MYO10: variants seen among roughly 807,000 people sequenced by gnomAD.
The protein encoded by MYO10 is myosin X, also known as unconventional myosin-X.
In MYO10, 133 loss-of-function variants were observed where a neutral mutation model predicts 257.3. That is an observed-to-expected ratio of 0.52 (90% CI 0.45 to 0.60). MYO10 has a LOEUF of 0.60. MYO10 is among the 20% of genes least tolerant of loss of function. MYO10 has a pLI of 0.00. For synonymous variants in MYO10, 1,104 were observed against 1,028.6 expected, an observed-to-expected ratio of 1.07 and a Z score of -1.40; for missense variants, 2,399 against 2,635.7, an observed-to-expected ratio of 0.91 and a Z score of 1.97.
rs781701286 is a variant in MYO10, at chr5:16,704,733, G to A, written c.2170-48C>T. On this transcript the variant is annotated intron_variant, in intron 21 of 40. Coordinates refer to ENST00000513610, the MANE Select transcript of MYO10 (RefSeq NM_012334.3). ...TCAGAAGCAAAGAACATGGCCAGCA[G>A]AAGGAAGGCATTTCTGAGTCAAAGA... The A allele has an allele frequency of 3.4e-6, 5 of 1,450,144 alleles. No individual in the cohort carries two copies. In the Admixed American group the frequency reaches 8.7e-5, roughly 25 times the overall value. 89.8% of individuals were successfully genotyped at this position (1,450,144 alleles called of 1,614,324 possible).
At chr5:16,873,490 G>A (rs895275111) in intron 2 of MYO10, among the ~76,000 whole-genome samples, 3 of 152,204 alleles carry the variant, frequency 2.0e-5, no homozygotes, top group African/African-American at 7.2e-5. Context: ...CGGACTGGAG[G>A]ACAGTGGCCC....
intron 1 of MYO10, chr5:16,916,275 T>C (rs1745814163): frequency 2.6e-6 from 1 of 381,212 alleles, no homozygotes; most frequent in Admixed American, 3.2e-5. Flanking sequence ...TTCTAACAAA[T>C]TAAATATCCC....
chr5:16,685,688 C>T (rs372207840), intron 29 of MYO10, 50 bp downstream of exon 29: 22 of 1,281,514 alleles, frequency 1.7e-5, no homozygotes, highest in East Asian at 1.3e-4. Flanking sequence ...ACGCCCTCCC[C>T]GTCCCTGCCC....
At chr5:16,686,539 A>G (rs1038849796) in intron 28 of MYO10, among the ~76,000 whole-genome samples, 5 of 145,782 alleles carry the variant, frequency 3.4e-5, no homozygotes, top group Non-Finnish European at 7.6e-5. Flanking sequence ...CTAGATGTCT[A>G]TTTTTTTTTT....
Position 16,896,822 on chromosome 5 carries a change from AC to A in MYO10, c.22-19116del, listed in dbSNP as rs201346215. 3.1e-3 allele frequency among the ~76,000 whole-genome samples: 474 copies of A among 152,242 alleles called. 2 individuals are homozygous for A. Among genetic ancestry groups the A allele is most frequent in the African/African-American group, 0.011 (462 of 41,550 alleles). Reference sequence around the variant, plus strand: ...TGAGGTCAGGGCCTTCTGGGTGGTTACCAAAAACACAAGGGTGCCTTCCCCA... The same window carrying A: ...TGAGGTCAGGGCCTTCTGGGTGGTTACAAAAACACAAGGGTGCCTTCCCCA... On this transcript the variant is annotated intron_variant, in intron 1 of 40. Coordinates refer to ENST00000513610, the MANE Select transcript of MYO10 (RefSeq NM_012334.3).
chr5:16,707,115 C>T (rs1014380918), intron 21 of MYO10, among the ~76,000 whole-genome samples: 1 of 152,218 alleles, frequency 6.6e-6, no homozygotes, highest in Non-Finnish European at 1.5e-5. Flanking sequence ...CCTGCACATG[C>T]TCTCTTGCCT....
intron 19 of MYO10, among the ~76,000 whole-genome samples, chr5:16,723,028 AAAG>A (rs760819519): frequency 4.6e-5 from 7 of 152,224 alleles, no homozygotes; most frequent in South Asian, 4.1e-4. Flanking sequence ...ACACTTCACC[AAAG>A]AAGATAGGCT....
intron 39 of MYO10, among the ~76,000 whole-genome samples, chr5:16,668,826 C>T (rs1302420136): frequency 6.6e-6 from 1 of 152,152 alleles, no homozygotes; most frequent in Non-Finnish European, 1.5e-5. Context: ...CCCTGCAACC[C>T]AAGCCAAGTC....
chr5:16,704,948 G>A (rs114151842), intron 21 of MYO10, among the ~76,000 whole-genome samples: 270 of 152,272 alleles, frequency 1.8e-3, no homozygotes, highest in African/African-American at 6.3e-3. Flanking sequence ...TATTGTTACT[G>A]AATTCAACAG....
chr5:16,894,212 T>C (rs910523029), intron 1 of MYO10, among the ~76,000 whole-genome samples: 7 of 152,196 alleles, frequency 4.6e-5, no homozygotes, highest in African/African-American at 1.4e-4. Flanking sequence ...AATGTCCTTT[T>C]TCCGTCCCAG....
chr5:16,699,235 C>T (rs1737910170), intron 26 of MYO10, among the ~76,000 whole-genome samples: 1 of 152,140 alleles, frequency 6.6e-6, no homozygotes, highest in Non-Finnish European at 1.5e-5. Flanking sequence ...GGTAGGACCA[C>T]AGCACCCATG....
At chr5:16,853,426 A>G (rs58132276) in intron 2 of MYO10, among the ~76,000 whole-genome samples, 2 of 152,194 alleles carry the variant, frequency 1.3e-5, no homozygotes, top group Non-Finnish European at 2.9e-5. Flanking sequence ...CTTCTTAAAA[A>G]GTTTTATCTT....
chr5:16,693,816 C>A (rs988000819), intron 27 of MYO10, among the ~76,000 whole-genome samples: 47 of 152,052 alleles, frequency 3.1e-4, no homozygotes, highest in African/African-American at 1.1e-3. Flanking sequence ...CTCAATAGTC[C>A]AAAGCTTTGG....
At chr5:16,724,898 T>C (rs146832593) in intron 19 of MYO10, among the ~76,000 whole-genome samples, 105 of 152,276 alleles carry the variant, frequency 6.9e-4, no homozygotes, top group Middle Eastern at 3.4e-3. Flanking sequence ...GCACAGTCAA[T>C]GCATGTATAA....
chr5:16,812,942 T>TTA (rs1742486733), intron 3 of MYO10, among the ~76,000 whole-genome samples: 1 of 151,252 alleles, frequency 6.6e-6, no homozygotes, highest in African/African-American at 2.4e-5. Context: ...TTTTTTTTTT[T>TTA]ATCACTTTCT....
At chr5:16,874,412 C>T (rs1209415722) in intron 2 of MYO10, among the ~76,000 whole-genome samples, 1 of 146,114 alleles carries the variant, frequency 6.8e-6, no homozygotes, top group East Asian at 2.1e-4. Flanking sequence ...GTTATGCTCG[C>T]TTCCCTTATA....
At chr5:16,676,290 C>T (rs995345401) in intron 33 of MYO10, 136 bp from the exon 34 acceptor site, 7 of 961,284 alleles carry the variant, frequency 7.3e-6, no homozygotes, top group Non-Finnish European at 9.2e-6. Context: ...GTTTCATGGA[C>T]GAAGATACCC....
intron 3 of MYO10, among the ~76,000 whole-genome samples, chr5:16,808,428 G>A (rs796151933): frequency 3.9e-5 from 6 of 152,060 alleles, no homozygotes; most frequent in African/African-American, 7.2e-5. Flanking sequence ...AGCTATGATC[G>A]CACCACTACA....
chr5:16,798,312 CA>C (rs1742025894), intron 3 of MYO10, among the ~76,000 whole-genome samples: 1 of 151,580 alleles, frequency 6.6e-6, no homozygotes, highest in African/African-American at 2.4e-5. Context: ...TTGTACACTT[CA>C]AAATGGTTAA....
Sources: gnomAD v4.1 joint callset for allele counts (sites outside exome capture counted in the v4.1 genomes callset) on GRCh38, gnomAD v4.1.1 for gene constraint, MANE v1.5 for transcripts, NCBI Gene and HGNC (gene_info 2026-07-23, HGNC 2026-07-21) for gene names.